Variants in TBC1D4 observed in about 807,000 individuals in gnomAD.
TBC1D4 encodes the protein TBC1 domain family member 4.
A neutral mutation model predicts 142.5 loss-of-function variants in TBC1D4; 121 were observed. The ratio of observed to expected loss-of-function variants is 0.85; its 90% CI spans 0.73 to 0.99. The LOEUF (loss-of-function observed/expected upper bound fraction) is 0.99, where lower values mean the gene tolerates loss of function less well. Ranked by LOEUF, TBC1D4 falls within the 50% of genes least tolerant of loss-of-function variation. The pLI, the probability that TBC1D4 is intolerant of heterozygous loss-of-function variation, is 0.00. For missense variants in TBC1D4, 1,475 were observed against 1,606.6 expected (o/e 0.92, Z 1.40); for synonymous variants, 630 against 628.2 (o/e 1.00, Z -0.04).
Position 75,349,280 on chromosome 13 carries a change from A to G in TBC1D4, c.1298T>C (p.Leu433Pro). Reference sequence around the variant, plus strand: ...AGCCGCCGTACTGAAGGCCTGTTTCAGAGTCAGCATTACCTCATCAACCTA... The same window carrying G: ...AGCCGCCGTACTGAAGGCCTGTTTCGGAGTCAGCATTACCTCATCAACCTA... Reference protein sequence around the residue: ...ESLVDEVMLTLKQAFSTAAAL... With the variant: ...ESLVDEVMLTPKQAFSTAAAL... Residue 433 changes from leucine to proline, a missense_variant, in exon 5 of 21, where the codon CTG becomes CCG. Leu to Pro is a moderately conservative substitution (Grantham distance 98). Around this residue, in one of 2 missense-constraint regions of TBC1D4, gnomAD observed 1,227 missense variants for 1,267.7 expected, o/e 0.97. Transcript: ENST00000377636. 6.2e-7 allele frequency: 1 copy of G among 1,614,008 alleles called. No individual in the cohort carries two copies. Among genetic ancestry groups the G allele is most frequent in the Non-Finnish European group, 8.5e-7 (1 of 1,179,924 alleles).
chr13:75,312,416 G>GAAAAAAAAAAAAAAAAA (rs762306467), intron 13 of TBC1D4, among the ~76,000 whole-genome samples: 12 of 125,714 alleles, frequency 9.5e-5, no homozygotes, highest in African/African-American at 1.1e-4. Context: ...CAATCTCTGG[G>GAAAAAAAAAAAAAAAAA]AAAAAAAAAA....
chr13:75,301,509 G>C (rs551783211), intron 16 of TBC1D4, among the ~76,000 whole-genome samples: 347 of 152,144 alleles, frequency 2.3e-3, no homozygotes, highest in African/African-American at 7.8e-3. Context: ...GCCGGGCGTG[G>C]TGGCTGGTGC....
intron 1 of TBC1D4, among the ~76,000 whole-genome samples, chr13:75,411,064 G>C (rs1278356970): frequency 6.7e-6 from 1 of 149,780 alleles, no homozygotes; most frequent in African/African-American, 2.5e-5. Context: ...AGGCCACAGA[G>C]ATAAAAAAGC....
At chr13:75,433,940 G>A (rs898292590) in intron 1 of TBC1D4, among the ~76,000 whole-genome samples, 4 of 152,114 alleles carry the variant, frequency 2.6e-5, no homozygotes, top group Admixed American at 6.6e-5. Context: ...TTAGAGAAAC[G>A]CAAATCAAAA....
intron 1 of TBC1D4, among the ~76,000 whole-genome samples, chr13:75,425,309 A>G (rs1448307248): frequency 6.6e-6 from 1 of 152,216 alleles, no homozygotes; most frequent in Non-Finnish European, 1.5e-5. Flanking sequence ...TGGAATGGTT[A>G]TTATAAAAAA....
chr13:75,481,450 A>G lies in TBC1D4; in HGVS notation c.318T>C (p.Ser106=). ...CCGGGTTGGGCTGCGTGGCCGACGG[A>G]CTAGTGCCCCCCGAGGCCCCAGCGC... ...APGAGASGGT[S]PSATQPNPAV... Residue 106 remains serine (S), a synonymous_variant, in exon 1 of 21, where the codon AGT becomes AGC. Transcript: ENST00000377636. 1 of 1,613,676 alleles carries G rather than the reference A, an allele frequency of 6.2e-7. No homozygotes were observed. Among genetic ancestry groups the G allele is most frequent in the Non-Finnish European group, 8.5e-7 (1 of 1,179,766 alleles).
At chr13:75,438,152 T>A (rs1210202208) in intron 1 of TBC1D4, among the ~76,000 whole-genome samples, 1 of 152,210 alleles carries the variant, frequency 6.6e-6, no homozygotes, top group African/African-American at 2.4e-5. Context: ...CCTGTTGAAT[T>A]CTCCTAGTCA....
At chr13:75,316,008 T>C (rs1878287979) in intron 12 of TBC1D4, among the ~76,000 whole-genome samples, 1 of 152,248 alleles carries the variant, frequency 6.6e-6, no homozygotes, top group Admixed American at 6.5e-5. Flanking sequence ...TTAAAAGCAC[T>C]ATGTCAATGC....
At position 75,286,612 on chromosome 13, in the gene TBC1D4, A is replaced by G. The variant is rs1874694198; in HGVS notation, c.*180T>C. ...AACAAAAACCAGTCTACATATGTCC[A>G]ATGGCTTAGGATTGGCATGCTCTGA... On this transcript the variant is annotated 3_prime_UTR_variant, in exon 21 of 21. Transcript: ENST00000377636. 3.1e-6 allele frequency: 2 copies of G among 635,294 alleles called. No individual in the cohort carries two copies. Among genetic ancestry groups the G allele is most frequent in the South Asian group, 1.9e-5 (1 of 52,700 alleles). 39.4% of individuals were successfully genotyped at this position (635,294 alleles called of 1,614,324 possible).
At chr13:75,459,258 G>A (rs1041038066) in intron 1 of TBC1D4, among the ~76,000 whole-genome samples, 8 of 152,110 alleles carry the variant, frequency 5.3e-5, no homozygotes, top group African/African-American at 1.9e-4. Context: ...AAACTTCCCT[G>A]CCTTTCCCTT....
At chr13:75,417,526 G>A (rs1885972736) in intron 1 of TBC1D4, among the ~76,000 whole-genome samples, 1 of 152,064 alleles carries the variant, frequency 6.6e-6, no homozygotes, top group South Asian at 2.1e-4. Context: ...GCTCAGAATA[G>A]AAGGCTCCTT....
At chr13:75,439,308 G>A (rs1886934525) in intron 1 of TBC1D4, among the ~76,000 whole-genome samples, 1 of 152,070 alleles carries the variant, frequency 6.6e-6, no homozygotes, top group Non-Finnish European at 1.5e-5. Flanking sequence ...GCCAAGTGTT[G>A]TGATAAAATT....
At chr13:75,372,692 C>T (rs1490767434) in intron 1 of TBC1D4, among the ~76,000 whole-genome samples, 4 of 152,104 alleles carry the variant, frequency 2.6e-5, no homozygotes, top group East Asian at 3.8e-4. Flanking sequence ...AAGGTTCTCA[C>T]AATACTGAGA....
intron 1 of TBC1D4, among the ~76,000 whole-genome samples, chr13:75,465,706 C>G (rs916853763): frequency 1.3e-5 from 2 of 151,996 alleles, no homozygotes; most frequent in African/African-American, 2.4e-5. Context: ...CTCATTATAC[C>G]TTCCTCCCTT....
intron 1 of TBC1D4, among the ~76,000 whole-genome samples, chr13:75,388,354 TG>T (rs1232939039): frequency 6.6e-6 from 1 of 152,222 alleles, no homozygotes; most frequent in Non-Finnish European, 1.5e-5. Context: ...CTCAAAAAAT[TG>T]TGCAAATGCT....
intron 1 of TBC1D4, among the ~76,000 whole-genome samples, chr13:75,453,655 TG>T (rs1400240404): frequency 6.6e-6 from 1 of 152,060 alleles, no homozygotes; most frequent in Non-Finnish European, 1.5e-5. Flanking sequence ...TGAGGTCAGG[TG>T]TTCAAGACTA....
At chr13:75,470,232 A>G (rs530738261) in intron 1 of TBC1D4, among the ~76,000 whole-genome samples, 7 of 152,212 alleles carry the variant, frequency 4.6e-5, no homozygotes, top group Non-Finnish European at 1.0e-4. Context: ...TCTGTCACAA[A>G]TGCTCAGCAC....
intron 1 of TBC1D4, among the ~76,000 whole-genome samples, chr13:75,422,835 CAG>C (rs1230965377): frequency 1.3e-5 from 2 of 152,076 alleles, no homozygotes; most frequent in South Asian, 2.1e-4. Flanking sequence ...ACAAGCAAAA[CAG>C]AGAATTCAAT....
At chr13:75,294,444 G>A (rs1172478798) in intron 18 of TBC1D4, among the ~76,000 whole-genome samples, 1 of 152,180 alleles carries the variant, frequency 6.6e-6, no homozygotes, top group Non-Finnish European at 1.5e-5. Flanking sequence ...AAACAACATT[G>A]ATACAGTTAA....
Sources: gnomAD v4.1 joint callset for allele counts (sites outside exome capture counted in the v4.1 genomes callset) on GRCh38, gnomAD v4.1.1 for gene constraint, gnomAD v4.1.1 regional missense constraint, MANE v1.5 for transcripts, NCBI Gene and HGNC (gene_info 2026-07-23, HGNC 2026-07-21) for gene names.